DSC1: variants seen among roughly 807,000 people sequenced by gnomAD.
DSC1 encodes desmocollin-1.
Under a neutral mutation model 98.8 loss-of-function variants are expected in DSC1, and 79 were observed. The ratio of observed to expected loss-of-function variants is 0.80; its 90% CI spans 0.67 to 0.96. The LOEUF (loss-of-function observed/expected upper bound fraction) is 0.96, where lower values mean the gene tolerates loss of function less well. DSC1 is among the 50% of genes least tolerant of loss of function. The pLI, the probability that DSC1 is intolerant of heterozygous loss-of-function variation, is 0.00. For missense variants in DSC1, 1,115 were observed against 1,075.9 expected, an observed-to-expected ratio of 1.04 and a Z score of -0.51; for synonymous variants, 405 against 372.1, an observed-to-expected ratio of 1.09 and a Z score of -1.02.
chr18:31,149,980 T>C (rs77220749), intron 5 of DSC1, among the ~76,000 whole-genome samples: 33,600 of 150,986 alleles, frequency 0.22, 4,233 homozygotes, highest in East Asian at 0.56. Context: ...TGGAATACAG[T>C]AGTCTATCAT....
intron 8 of DSC1, among the ~76,000 whole-genome samples, chr18:31,142,671 T>C (rs2144932105): frequency 8.1e-6 from 1 of 123,922 alleles, no homozygotes; most frequent in East Asian, 2.1e-4. Flanking sequence ...AGAAAAGTTT[T>C]CCTTTTTTTT....
intron 14 of DSC1, 21 bp downstream of exon 14, chr18:31,132,547 G>C (rs1261171860): frequency 6.2e-7 from 1 of 1,611,716 alleles, no homozygotes; most frequent in Admixed American, 1.7e-5. Flanking sequence ...ACAATTCAAA[G>C]GGATGTGAAA....
At chr18:31,147,332 G>C (rs568679317) in intron 6 of DSC1, among the ~76,000 whole-genome samples, 2 of 152,090 alleles carry the variant, frequency 1.3e-5, no homozygotes, top group South Asian at 4.2e-4. Flanking sequence ...TATGTACATG[G>C]TAAAAATATA....
At chr18:31,148,934 T>C (rs1988904075) in intron 5 of DSC1, among the ~76,000 whole-genome samples, 1 of 152,152 alleles carries the variant, frequency 6.6e-6, no homozygotes. Context: ...GCATGTAGAT[T>C]TTCCCCAACT....
intron 9 of DSC1, among the ~76,000 whole-genome samples, chr18:31,141,493 A>C (rs1988733927): frequency 6.6e-6 from 1 of 152,190 alleles, no homozygotes; most frequent in South Asian, 2.1e-4. Context: ...TTAAATTTAA[A>C]AAATCCAAAG....
chr18:31,145,927 T>C, intron 6 of DSC1, 150 bp from the exon 7 acceptor site: 1 of 871,312 alleles, frequency 1.1e-6, no homozygotes, highest in Middle Eastern at 2.9e-4. Flanking sequence ...GAAACTGTTC[T>C]AAATGTCTCC....
At chr18:31,148,425 A>G (rs1988891729) in intron 6 of DSC1, 73 bp downstream of exon 6, 2 of 1,432,494 alleles carry the variant, frequency 1.4e-6, no homozygotes, top group East Asian at 4.8e-5. Flanking sequence ...ATAAAACGTA[A>G]ACATCTTTAA....
At chr18:31,143,912 A>ATATT (rs35474327) in intron 7 of DSC1, 121 bp from the exon 8 acceptor site, 3 of 657,482 alleles carry the variant, frequency 4.6e-6, no homozygotes, top group Non-Finnish European at 6.5e-6. Flanking sequence ...TTTCTTTTAT[A>ATATT]TATTTATTTA....
chr18:31,145,579 C>A (rs1322906193), intron 7 of DSC1, 32 bp downstream of exon 7: 1 of 1,610,144 alleles, frequency 6.2e-7, no homozygotes, highest in South Asian at 1.1e-5. Context: ...AAATGTAGTT[C>A]AATGACTAGA....
rs1340530110 is a variant in DSC1, at chr18:31,134,613, T to C, written c.1835A>G (p.Asp612Gly). ...GTTCCAGTTTTTACTGGCAGAATTA[T>C]CCAGAAAGAATTGAAAAGGTGGTCC... The part of the protein sequence containing the change: ...ENGPPFQFFL[D>G]NSASKNWNIE... Residue 612 changes from aspartate to glycine, a missense_variant, in exon 12 of 16, where the codon GAT (aspartate) becomes GGT (glycine). By Grantham distance (94) the Asp-to-Gly change is moderately conservative. Transcript: ENST00000257198. 3 of 1,612,348 alleles carry C rather than the reference T, an allele frequency of 1.9e-6. No homozygotes were observed. The highest frequency in any genetic ancestry group is 2.5e-6 in the Non-Finnish European group (3 of 1,179,088).
chr18:31,157,706 T>A lies in DSC1; in HGVS notation c.149-133A>T, dbSNP rs1044572437. 9.4e-6 allele frequency: 8 copies of A among 849,654 alleles called. No individual in the cohort carries two copies. The African/African-American group carries it at 1.4e-4, about 15-fold the overall frequency. 52.6% of individuals were successfully genotyped at this position (849,654 alleles called of 1,614,324 possible). ...TTACATTTGGAATGTGCTCAGCACCTGCTATTCTAAAACGTGGGGGCCATG... is the reference window on the plus strand; with the variant it reads ...TTACATTTGGAATGTGCTCAGCACCAGCTATTCTAAAACGTGGGGGCCATG... On this transcript the variant is annotated intron_variant, in intron 2 of 15. Transcript: ENST00000257198.
intron 13 of DSC1, 74 bp downstream of exon 13, chr18:31,133,817 A>G: frequency 1.4e-6 from 2 of 1,444,644 alleles, no homozygotes. Context: ...TAATATAAAA[A>G]ACTTCCATGT....
chr18:31,161,359 T>C (rs887372673), intron 1 of DSC1, among the ~76,000 whole-genome samples: 2 of 150,744 alleles, frequency 1.3e-5, no homozygotes, highest in African/African-American at 5.0e-5. Flanking sequence ...TGTGTATATA[T>C]ATATAAATGT....
chr18:31,138,241 A>C (rs1435855240), intron 11 of DSC1, among the ~76,000 whole-genome samples: 2 of 151,986 alleles, frequency 1.3e-5, no homozygotes, highest in Non-Finnish European at 2.9e-5. Context: ...TGTTCTCCAT[A>C]ATTTTCTCCT....
At chr18:31,160,954 C>T (rs1244379061) in intron 1 of DSC1, among the ~76,000 whole-genome samples, 1 of 151,972 alleles carries the variant, frequency 6.6e-6, no homozygotes, top group Non-Finnish European at 1.5e-5. Context: ...TGATTTCATC[C>T]TTGTGCAGAC....
chr18:31,156,650 T>A (rs1989104111), intron 3 of DSC1, among the ~76,000 whole-genome samples: 1 of 152,186 alleles, frequency 6.6e-6, no homozygotes, highest in Non-Finnish European at 1.5e-5. Flanking sequence ...CTTAAGCATA[T>A]TAAGAGGAGT....
At chr18:31,156,252 A>G in intron 3 of DSC1, 90 bp from the exon 4 acceptor site, 1 of 1,495,622 alleles carries the variant, frequency 6.7e-7, no homozygotes, top group Non-Finnish European at 9.0e-7. Context: ...AAGCAGATGT[A>G]AGGGTTACAC....
At position 31,130,943 on chromosome 18, in the gene DSC1, G is replaced by A. The variant is rs1185966075; in HGVS notation, c.2488-232C>T. 24 of 1,045,338 alleles carry A rather than the reference G, an allele frequency of 2.3e-5. No homozygotes were observed. The Admixed American group carries it at 4.2e-4, about 18-fold the overall frequency. 64.8% of individuals were successfully genotyped at this position (1,045,338 alleles called of 1,614,324 possible). On this transcript the variant is annotated intron_variant, in intron 15 of 15. Coordinates refer to ENST00000257198, the MANE Select transcript of DSC1 (RefSeq NM_024421.2). ...AGCACATTTAAAAAATTAAGACTAC[G>A]CATATATCACGCAACACATTTATAA...
rs1241376463 is a variant in DSC1 at position 31,162,651 on chromosome 18, C to T, written c.-57G>A. 1 of 1,518,218 alleles carries T rather than the reference C, an allele frequency of 6.6e-7. No individual in the cohort carries two copies. Among genetic ancestry groups the T allele is most frequent in the Non-Finnish European group, 9.1e-7 (1 of 1,093,758 alleles). The allele number at this position is 1,518,218 out of a possible 1,614,324, so 94.0% of individuals were successfully genotyped here. ...CCAGATAACAGGGCAGCCTGGGATGCACAGAGCGGCTAAGAAGACGCTGGC... is the reference window on the plus strand; with the variant it reads ...CCAGATAACAGGGCAGCCTGGGATGTACAGAGCGGCTAAGAAGACGCTGGC... On this transcript the variant is annotated 5_prime_UTR_variant, in exon 1 of 16. Coordinates refer to ENST00000257198, the MANE Select transcript of DSC1 (RefSeq NM_024421.2).
Sources: allele counts gnomAD v4.1 joint callset (sites outside exome capture counted in the v4.1 genomes callset), GRCh38; gene constraint gnomAD v4.1.1; transcripts MANE v1.5; gene names NCBI Gene and HGNC (gene_info 2026-07-23, HGNC 2026-07-21).